Variants in PCSK6 observed in about 807,000 individuals in gnomAD.
PCSK6 encodes the protein proprotein convertase subtilisin/kexin type 6, also known as paired basic amino acid cleaving enzyme 4.
In PCSK6, 85 loss-of-function variants were observed where a neutral mutation model predicts 123.3. The observed-to-expected ratio is 0.69, with a 90% CI of 0.58 to 0.83. The LOEUF is 0.83. Among genes scored for constraint, PCSK6 ranks in the 40% least tolerant of loss-of-function variants. The probability of loss-of-function intolerance (pLI) is 0.00; values close to 1 mark genes in which losing one functional copy is unlikely to be tolerated. For synonymous variants in PCSK6, 508 were observed against 516.0 expected, an observed-to-expected ratio of 0.98 and a Z score of 0.21; for missense variants, 1,191 against 1,282.3, an observed-to-expected ratio of 0.93 and a Z score of 1.09.
chr15:101,352,418 G>A (rs56763523), intron 13 of PCSK6, among the ~76,000 whole-genome samples: 1 of 152,170 alleles, frequency 6.6e-6, no homozygotes, highest in African/African-American at 2.4e-5. Context: ...AAAGTGCTGA[G>A]ATTACAGGAA....
intron 6 of PCSK6, among the ~76,000 whole-genome samples, chr15:101,422,651 C>T (rs531968355): frequency 5.3e-5 from 8 of 150,998 alleles, no homozygotes; most frequent in Admixed American, 2.0e-4. Flanking sequence ...GACGGAGTCT[C>T]GCTCTGTCGC....
intron 6 of PCSK6, among the ~76,000 whole-genome samples, chr15:101,409,360 CG>C (rs1448612465): frequency 6.6e-6 from 1 of 151,260 alleles, no homozygotes; most frequent in Non-Finnish European, 1.5e-5. Flanking sequence ...CCGAGGCGGG[CG>C]GATCACGAGG....
chr15:101,404,877 T>C (rs770607892), intron 6 of PCSK6, among the ~76,000 whole-genome samples: 1 of 152,154 alleles, frequency 6.6e-6, no homozygotes, highest in African/African-American at 2.4e-5. Context: ...TAGGATTCTC[T>C]CTACAAGTTA....
At chr15:101,364,889 TTTC>T (rs2041342626) in intron 13 of PCSK6, 1 of 623,846 alleles carries the variant, frequency 1.6e-6, no homozygotes, top group African/African-American at 1.8e-5. Flanking sequence ...GGACTCGCAC[TTTC>T]TTATTTCAAA....
intron 1 of PCSK6, among the ~76,000 whole-genome samples, chr15:101,489,022 A>C (rs1349325011): frequency 6.7e-6 from 1 of 148,932 alleles, no homozygotes; most frequent in African/African-American, 2.5e-5. Flanking sequence ...GGCAGCCCAG[A>C]CTCCCCCGGA....
intron 13 of PCSK6, among the ~76,000 whole-genome samples, chr15:101,345,072 C>T (rs2040699640): frequency 6.6e-6 from 1 of 152,140 alleles, no homozygotes; most frequent in East Asian, 1.9e-4. Context: ...ACAGCTTTGT[C>T]TGTGTCTCCT....
chr15:101,402,085 G>T (rs1277102468), intron 6 of PCSK6, among the ~76,000 whole-genome samples: 1 of 150,674 alleles, frequency 6.6e-6, no homozygotes, highest in Non-Finnish European at 1.5e-5. Flanking sequence ...TAGATCAATG[G>T]AACAGAACAG....
chr15:101,448,303 C>G (rs997238815), intron 1 of PCSK6, among the ~76,000 whole-genome samples: 1 of 152,128 alleles, frequency 6.6e-6, no homozygotes, highest in African/African-American at 2.4e-5. Flanking sequence ...GACCAGAACA[C>G]TGGAAGGAAT....
intron 1 of PCSK6, among the ~76,000 whole-genome samples, chr15:101,487,817 C>T (rs2058054044): frequency 6.6e-6 from 1 of 152,078 alleles, no homozygotes; most frequent in Admixed American, 6.5e-5. Context: ...CAAACGAAGT[C>T]AGTGCTACCC....
chr15:101,475,230 T>C (rs925585672), intron 1 of PCSK6, among the ~76,000 whole-genome samples: 12 of 152,336 alleles, frequency 7.9e-5, no homozygotes, highest in Non-Finnish European at 1.6e-4. Context: ...TGAATTACAC[T>C]GAGTGACGAG....
intron 21 of PCSK6, 142 bp downstream of exon 21, chr15:101,307,071 C>A (rs2039739088): frequency 1.5e-6 from 1 of 645,164 alleles, no homozygotes; most frequent in East Asian, 2.7e-5. Flanking sequence ...AGAGGAATCC[C>A]AGACAGTCAA....
At chr15:101,427,391 A>G (rs1236797620) in intron 6 of PCSK6, among the ~76,000 whole-genome samples, 3 of 152,168 alleles carry the variant, frequency 2.0e-5, no homozygotes, top group Admixed American at 6.5e-5. Flanking sequence ...GTTCAAGCCC[A>G]GGCATCAATC....
At chr15:101,352,515 T>C (rs901839144) in intron 13 of PCSK6, among the ~76,000 whole-genome samples, 1 of 152,228 alleles carries the variant, frequency 6.6e-6, no homozygotes, top group Non-Finnish European at 1.5e-5. Context: ...TCTTTCCAAA[T>C]GGTTGGCCAA....
intron 4 of PCSK6, 51 bp from the exon 5 acceptor site, chr15:101,430,114 G>A (rs1196161936): frequency 2.1e-6 from 3 of 1,446,450 alleles, no homozygotes; most frequent in Non-Finnish European, 2.9e-6. Context: ...TGACAGCTCT[G>A]TTTGAAATGG....
intron 6 of PCSK6, among the ~76,000 whole-genome samples, chr15:101,409,074 C>T (rs1055005090): frequency 2.0e-5 from 3 of 152,214 alleles, no homozygotes; most frequent in Admixed American, 1.3e-4. Flanking sequence ...GGGCTCCCTG[C>T]GGTCTCCAGC....
intron 2 of PCSK6, among the ~76,000 whole-genome samples, chr15:101,434,588 C>T (rs553449277): frequency 3.9e-5 from 6 of 152,210 alleles, no homozygotes; most frequent in East Asian, 1.9e-4. Context: ...GCCTGCGGCC[C>T]GCAGCACAGT....
In PCSK6 at chr15:101,393,478, G is replaced by A. The variant is rs2042297560; in HGVS notation, c.997-54C>T. ...CCCCGCAGCAGAACCTCGTAGGGTG[G>A]GTCTCCCCCCGAACCTAGAGTCCCA... On this transcript the variant is annotated intron_variant, in intron 7 of 21. Transcript: ENST00000611716. The A allele has an allele frequency of 2.8e-6, 4 of 1,441,782 alleles. No homozygotes were observed. In the African/African-American group the frequency reaches 4.3e-5, roughly 15 times the overall value. 89.3% of individuals were successfully genotyped at this position (1,441,782 alleles called of 1,614,324 possible).
chr15:101,422,623 C>CTT (rs5815013), intron 6 of PCSK6, among the ~76,000 whole-genome samples: 3 of 144,936 alleles, frequency 2.1e-5, no homozygotes, highest in Non-Finnish European at 4.6e-5. Flanking sequence ...TAGAACGAAA[C>CTT]TTTTTTTTTT....
At chr15:101,350,749 C>T (rs946103978) in intron 13 of PCSK6, among the ~76,000 whole-genome samples, 3 of 152,152 alleles carry the variant, frequency 2.0e-5, no homozygotes, top group African/African-American at 7.2e-5. Flanking sequence ...GAGCAGTGCA[C>T]GTTGAGCCTT....
Sources: allele counts gnomAD v4.1 joint callset (sites outside exome capture counted in the v4.1 genomes callset), GRCh38; gene constraint gnomAD v4.1.1; transcripts MANE v1.5; gene names NCBI Gene and HGNC (gene_info 2026-07-23, HGNC 2026-07-21).